Variants in SRGAP3 observed in about 807,000 individuals in gnomAD.
SRGAP3 encodes SLIT-ROBO Rho GTPase activating protein 3, also known as SLIT-ROBO Rho GTPase-activating protein 3.
A neutral mutation model predicts 121.1 loss-of-function variants in SRGAP3; 39 were observed. The ratio of observed to expected loss-of-function variants is 0.32; its 90% CI spans 0.25 to 0.42. SRGAP3 has a LOEUF of 0.42. Among genes scored for constraint, SRGAP3 ranks in the 10% least tolerant of loss-of-function variants. The probability of loss-of-function intolerance (pLI) is 1.00; values close to 1 mark genes in which losing one functional copy is unlikely to be tolerated. For synonymous variants in SRGAP3, 601 were observed against 570.0 expected (o/e 1.05, Z -0.77); for missense variants, 1,213 against 1,470.6 (o/e 0.82, Z 2.86).
In SRGAP3 at chr3:9,150,936, A is replaced by G. The variant is rs112296628; in HGVS notation, c.68-26019T>C. 4.9e-3 allele frequency among the ~76,000 whole-genome samples: 742 copies of G among 152,356 alleles called. 6 individuals carry two copies. The highest frequency in any genetic ancestry group is 0.017 in the African/African-American group (706 of 41,588). ...CTCAAAGACCTTCCAGTCTAGAAGA[A>G]ACTGGGTCAACTCCAGACTTTCTAC... On this transcript the variant is annotated intron_variant, in intron 1 of 21. Transcript: ENST00000383836.
intron 4 of SRGAP3, among the ~76,000 whole-genome samples, chr3:9,078,655 C>T (rs1454159709): frequency 6.6e-6 from 1 of 152,156 alleles, no homozygotes; most frequent in Non-Finnish European, 1.5e-5. Flanking sequence ...AGTATTTCTA[C>T]TTAACACCTG....
At chr3:9,062,067 C>T (rs9834464) in intron 5 of SRGAP3, among the ~76,000 whole-genome samples, 16,582 of 136,056 alleles carry the variant, frequency 0.12, 1,150 homozygotes, top group African/African-American at 0.21. Flanking sequence ...TTACATCCTA[C>T]GCCAGCCATG....
chr3:9,190,394 A>G (rs1446883608), intron 1 of SRGAP3, among the ~76,000 whole-genome samples: 1 of 152,204 alleles, frequency 6.6e-6, no homozygotes, highest in African/African-American at 2.4e-5. Flanking sequence ...AGCTCTTGGC[A>G]TGAACAGATA....
At chr3:9,209,658 T>C (rs1216887262) in intron 1 of SRGAP3, among the ~76,000 whole-genome samples, 1 of 152,226 alleles carries the variant, frequency 6.6e-6, no homozygotes, top group African/African-American at 2.4e-5. Context: ...CCCTCATATA[T>C]ACAAAGATGT....
intron 1 of SRGAP3, among the ~76,000 whole-genome samples, chr3:9,199,253 C>CCT (rs1261639716): frequency 1.3e-5 from 2 of 152,228 alleles, no homozygotes; most frequent in Non-Finnish European, 2.9e-5. Flanking sequence ...ACACGCGCTA[C>CCT]CTCTCTGCTC....
chr3:9,278,912 T>A (rs1954630038), intron 3 of SRGAP3, among the ~76,000 whole-genome samples: 1 of 152,210 alleles, frequency 6.6e-6, no homozygotes. Flanking sequence ...TCTGTTCTCC[T>A]GTGTGTTGAT....
At chr3:9,009,438 C>CA (rs1281607819) in intron 18 of SRGAP3, among the ~76,000 whole-genome samples, 5 of 150,536 alleles carry the variant, frequency 3.3e-5, no homozygotes, top group South Asian at 2.1e-4. Context: ...TTCCTCCATT[C>CA]AAAAAAAAAG....
At chr3:9,201,640 C>T (rs763647433) in intron 1 of SRGAP3, among the ~76,000 whole-genome samples, 2 of 152,204 alleles carry the variant, frequency 1.3e-5, no homozygotes, top group African/African-American at 2.4e-5. Context: ...AGTCAAGAGA[C>T]GCCTTATGAG....
intron 1 of SRGAP3, among the ~76,000 whole-genome samples, chr3:9,360,230 G>A (rs1476254510): frequency 2.6e-5 from 4 of 152,308 alleles, no homozygotes; most frequent in South Asian, 4.1e-4. Context: ...TGCCCAGTTT[G>A]TGTACAAGTT....
rs1948597339 is a variant in SRGAP3 at position 9,110,849 on chromosome 3, A to T, written c.261-6007T>A. Among the ~76,000 whole-genome samples, 2 of 152,246 alleles carry T rather than the reference A, an allele frequency of 1.3e-5. 1 individual carries two copies. Among genetic ancestry groups the T allele is most frequent in the South Asian group, 4.1e-4 (2 of 4,832 alleles). On this transcript the variant is annotated intron_variant, in intron 2 of 21. Coordinates refer to ENST00000383836, the MANE Select transcript of SRGAP3 (RefSeq NM_014850.4). ...AATGGTACCAGGCAGGCTCTACCACATCTGAAAGAAGAAGGCCCACAGGTG... is the reference window on the plus strand; with the variant it reads ...AATGGTACCAGGCAGGCTCTACCACTTCTGAAAGAAGAAGGCCCACAGGTG...
At chr3:9,024,423 T>C (rs57728453) in intron 14 of SRGAP3, among the ~76,000 whole-genome samples, 5,952 of 152,302 alleles carry the variant, frequency 0.039, 379 homozygotes, top group African/African-American at 0.14. Context: ...TGAAACTGCA[T>C]GGATTTTCCA....
chr3:9,299,569 A>G (rs983464350), intron 3 of SRGAP3, among the ~76,000 whole-genome samples: 1 of 152,082 alleles, frequency 6.6e-6, no homozygotes, highest in Non-Finnish European at 1.5e-5. Context: ...GGTTTATTAT[A>G]CAGCTAAAAA....
rs149745608 is a variant in SRGAP3 at position 9,321,129 on chromosome 3, G to C, written n.442+4881C>G. Among the ~76,000 whole-genome samples the C allele has an allele frequency of 4.7e-3, 718 of 151,904 alleles. 8 individuals carry two copies. Among genetic ancestry groups the C allele is most frequent in the South Asian group, 0.025 (119 of 4,816 alleles). ...GACAAGGAAGCCCAAGTCACATGGA[G>C]AAAACACATGTGGGTGTTCAGACAA... On this transcript the variant is annotated intron_variant and non_coding_transcript_variant, in intron 3 of 3. Transcript: ENST00000490889.
intron 3 of SRGAP3, among the ~76,000 whole-genome samples, chr3:9,321,674 C>T (rs1009104237): frequency 2.0e-5 from 3 of 151,732 alleles, no homozygotes; most frequent in Non-Finnish European, 2.9e-5. Flanking sequence ...ATGTCTTTTA[C>T]GGGAACACGG....
intron 3 of SRGAP3, among the ~76,000 whole-genome samples, chr3:9,295,226 G>A (rs1422097172): frequency 6.6e-6 from 1 of 152,186 alleles, no homozygotes; most frequent in Non-Finnish European, 1.5e-5. Context: ...GCTCTGGTCT[G>A]TTGCTATGGC....
At chr3:9,166,912 C>T (rs1015567958) in intron 1 of SRGAP3, among the ~76,000 whole-genome samples, 2 of 152,162 alleles carry the variant, frequency 1.3e-5, no homozygotes, top group Non-Finnish European at 2.9e-5. Context: ...TATGGCCCCA[C>T]CCTGACCTTG....
intron 3 of SRGAP3, among the ~76,000 whole-genome samples, chr3:9,279,444 C>G (rs950526947): frequency 6.6e-6 from 1 of 151,848 alleles, no homozygotes; most frequent in African/African-American, 2.4e-5. Context: ...AGACAGGGCT[C>G]TCTGTCTGAG....
chr3:9,063,459 C>T (rs911615758), intron 5 of SRGAP3, among the ~76,000 whole-genome samples: 1 of 151,864 alleles, frequency 6.6e-6, no homozygotes, highest in Non-Finnish European at 1.5e-5. Context: ...TTATTGGCCA[C>T]TCATACATGT....
At chr3:9,018,003 C>A (rs1014944492) in intron 14 of SRGAP3, among the ~76,000 whole-genome samples, 1 of 152,204 alleles carries the variant, frequency 6.6e-6, no homozygotes, top group African/African-American at 2.4e-5. Flanking sequence ...TCTTTTCATT[C>A]TCCACTCCCA....
Sources: gnomAD v4.1 joint callset for allele counts (sites outside exome capture counted in the v4.1 genomes callset) on GRCh38, gnomAD v4.1.1 for gene constraint, MANE v1.5 for transcripts, NCBI Gene and HGNC (gene_info 2026-07-23, HGNC 2026-07-21) for gene names.